The following PLEKHG1 variants were observed in gnomAD, a reference collection of about 807,000 sequenced individuals.
The protein encoded by PLEKHG1 is pleckstrin homology and RhoGEF domain containing G1, also known as pleckstrin homology domain-containing family G member 1.
Under a neutral mutation model 100.8 loss-of-function variants are expected in PLEKHG1, and 44 were observed. The observed-to-expected ratio is 0.44, with a 90% confidence interval of 0.34 to 0.56. The LOEUF is 0.56. PLEKHG1 is among the 20% of genes least tolerant of loss of function. The probability of loss-of-function intolerance (pLI) is 0.01; values close to 1 mark genes in which losing one functional copy is unlikely to be tolerated. For synonymous variants in PLEKHG1, 640 were observed against 662.5 expected (o/e 0.97, Z 0.52); for missense variants, 1,545 against 1,720.9 (o/e 0.90, Z 1.81).
chr6:150,741,214 G>C (rs1363368461), intron 2 of PLEKHG1, among the ~76,000 whole-genome samples: 1 of 152,192 alleles, frequency 6.6e-6, no homozygotes, highest in Non-Finnish European at 1.5e-5. Flanking sequence ...ACAGTTCAAG[G>C]TGGGCAGCAT....
intron 3 of PLEKHG1, among the ~76,000 whole-genome samples, chr6:150,778,192 A>G (rs911674175): frequency 1.3e-5 from 2 of 152,140 alleles, no homozygotes; most frequent in Admixed American, 1.3e-4. Flanking sequence ...CAGTAATGCA[A>G]TCTAGGCTCA....
intron 10 of PLEKHG1, among the ~76,000 whole-genome samples, chr6:150,816,416 T>C (rs1386009030): frequency 1.5e-5 from 2 of 133,768 alleles, no homozygotes; most frequent in Non-Finnish European, 3.1e-5. Flanking sequence ...AACCTCTGCC[T>C]TCCCAGGTTC....
intron 3 of PLEKHG1, among the ~76,000 whole-genome samples, chr6:150,779,614 A>G (rs1288962763): frequency 1.3e-5 from 2 of 151,366 alleles, no homozygotes; most frequent in Non-Finnish European, 2.9e-5. Context: ...CTAAAGTGCT[A>G]AGATTACAGG....
At position 150,711,661 on chromosome 6, in the gene PLEKHG1, T is replaced by C. The variant is rs2128604598; in HGVS notation, c.-98-21923T>C. On this transcript the variant is annotated intron_variant, in intron 3 of 3. Coordinates refer to the PLEKHG1 transcript ENST00000367326. ...TTATCATAGGATTATTTTTAGTCCA[T>C]GCAGCTCCCCCTAGAAAATAAGTGT... is the stretch of plus-strand genomic sequence containing the variant. Among the ~76,000 whole-genome samples, 2 of 152,320 alleles carry C rather than the reference T, an allele frequency of 1.3e-5. 1 individual carries two copies. Among genetic ancestry groups the C allele is most frequent in the South Asian group, 4.1e-4 (2 of 4,826 alleles).
At chr6:150,804,581 A>G in intron 6 of PLEKHG1, 29 bp from the exon 8 acceptor site, 1 of 1,549,324 alleles carries the variant, frequency 6.5e-7, no homozygotes, top group Non-Finnish European at 8.7e-7. Context: ...AATGAAAAAA[A>G]AAAAAACCCT....
exon 6 of PLEKHG1, chr6:150,800,809 T>C: frequency 6.2e-7 from 1 of 1,613,982 alleles, no homozygotes; most frequent in South Asian, 1.1e-5. Context: ...ACTCGCTGCC[T>C]CTGGGGTCCT....
At chr6:150,815,039 A>G (rs1223603760) in intron 10 of PLEKHG1, among the ~76,000 whole-genome samples, 1 of 152,180 alleles carries the variant, frequency 6.6e-6, no homozygotes, top group Non-Finnish European at 1.5e-5. Flanking sequence ...CGCTTGTCTA[A>G]TATACTTTAT....
At chr6:150,609,220 A>C (rs767854814) in intron 1 of PLEKHG1, among the ~76,000 whole-genome samples, 1 of 152,244 alleles carries the variant, frequency 6.6e-6, no homozygotes, top group Non-Finnish European at 1.5e-5. Context: ...CTGGAGATTC[A>C]ATGTTGAACA....
chr6:150,796,002 C>T (rs1786308696), intron 5 of PLEKHG1, 100 bp downstream of exon 6: 2 of 774,486 alleles, frequency 2.6e-6, no homozygotes, highest in Non-Finnish European at 4.5e-6. Context: ...CTGTGCCTGG[C>T]CTTGTGCTGA....
At chr6:150,677,327 G>A (rs1365842053) in intron 3 of PLEKHG1, among the ~76,000 whole-genome samples, 2 of 139,756 alleles carry the variant, frequency 1.4e-5, no homozygotes, top group African/African-American at 2.9e-5. Flanking sequence ...CACACCACCA[G>A]TTTCTACCCT....
intron 15 of PLEKHG1, among the ~76,000 whole-genome samples, chr6:150,834,982 T>C (rs528424039): frequency 4.6e-5 from 7 of 152,134 alleles, no homozygotes; most frequent in Non-Finnish European, 7.3e-5. Flanking sequence ...GCACAGGACG[T>C]CGTAATCGAA....
chr6:150,753,374 A>G (rs922121103), intron 2 of PLEKHG1, among the ~76,000 whole-genome samples: 2 of 152,058 alleles, frequency 1.3e-5, no homozygotes, highest in Admixed American at 6.6e-5. Context: ...AAAAGCCTTT[A>G]TCTCTTTGGA....
chr6:150,789,364 C>T (rs17080317), intron 4 of PLEKHG1, among the ~76,000 whole-genome samples: 150 of 152,296 alleles, frequency 9.8e-4, no homozygotes, highest in African/African-American at 3.4e-3. Context: ...CTAATGGTAT[C>T]TAACTAGGAG....
chr6:150,707,983 C>T (rs553933348), intron 3 of PLEKHG1, among the ~76,000 whole-genome samples: 87 of 152,262 alleles, frequency 5.7e-4, no homozygotes, highest in Non-Finnish European at 9.4e-4. Flanking sequence ...ACCCCTGCCC[C>T]GGATATTCAG....
chr6:150,787,334 G>A (rs897140141), intron 4 of PLEKHG1, among the ~76,000 whole-genome samples: 2 of 152,266 alleles, frequency 1.3e-5, no homozygotes, highest in South Asian at 2.1e-4. Flanking sequence ...CAGTGAGCTC[G>A]TGCTCCGAAG....
chr6:150,610,443 G>A lies in PLEKHG1; in HGVS notation c.-204+10426G>A, dbSNP rs117868374. On this transcript the variant is annotated intron_variant, in intron 1 of 3. Coordinates refer to the PLEKHG1 transcript ENST00000367326. ...ATGTGGTATTTTTGGTAACCATTTCGTTGTCCACCTTCCCTCACTAGACTA... is the reference window on the plus strand; with the variant it reads ...ATGTGGTATTTTTGGTAACCATTTCATTGTCCACCTTCCCTCACTAGACTA... Among the ~76,000 whole-genome samples the A allele has an allele frequency of 4.8e-4, 73 of 152,258 alleles. 2 individuals carry two copies. In the East Asian group the frequency reaches 0.011, roughly 23 times the overall value.
chr6:150,779,351 T>TTTTTTTTTTTG (rs1785177179), intron 3 of PLEKHG1, among the ~76,000 whole-genome samples: 3 of 146,362 alleles, frequency 2.0e-5, no homozygotes, highest in African/African-American at 5.3e-5. Context: ...GAAGTTTTTT[T>TTTTTTTTTTTG]TTTTTTTTTT....
At chr6:150,652,504 C>T (rs1053430212) in intron 3 of PLEKHG1, among the ~76,000 whole-genome samples, 1 of 151,888 alleles carries the variant, frequency 6.6e-6, no homozygotes, top group Admixed American at 6.6e-5. Flanking sequence ...GGGTGGATCA[C>T]GAGGTCAGGA....
At chr6:150,829,607 C>T (rs928864126) in intron 14 of PLEKHG1, among the ~76,000 whole-genome samples, 2 of 151,964 alleles carry the variant, frequency 1.3e-5, no homozygotes, top group Admixed American at 6.6e-5. Context: ...CCAGCCTGGG[C>T]GACAGAGCGA....
Sources: gnomAD v4.1 joint callset for allele counts (sites outside exome capture counted in the v4.1 genomes callset) on GRCh38, gnomAD v4.1.1 for gene constraint, MANE v1.5 for transcripts, NCBI Gene and HGNC (gene_info 2026-07-23, HGNC 2026-07-21) for gene names.